FRMPD4: variants seen among roughly 807,000 people sequenced by gnomAD.
FRMPD4 encodes FERM and PDZ domain-containing protein 4.
In FRMPD4, 22 loss-of-function variants were observed where a neutral mutation model predicts 94.1. The observed-to-expected ratio is 0.23, with a 90% CI of 0.17 to 0.33. FRMPD4 has a LOEUF of 0.33. FRMPD4 is among the 10% of genes least tolerant of loss of function. FRMPD4 has a pLI of 1.00. For synonymous variants in FRMPD4, 631 were observed against 548.6 expected, an observed-to-expected ratio of 1.15 and a Z score of -2.10; for missense variants, 1,111 against 1,339.9, an observed-to-expected ratio of 0.83 and a Z score of 2.67.
rs776653867 is a variant in FRMPD4, at chrX:12,165,564, T to C, written c.41+26552T>C. Among the ~76,000 whole-genome samples the C allele has an allele frequency of 9.8e-5, 11 of 111,955 alleles. No individual in the cohort carries two copies. In the East Asian group the frequency reaches 3.1e-3, roughly 31 times the overall value. On this transcript the variant is annotated intron_variant, in intron 1 of 16. Coordinates refer to ENST00000675598, the MANE Select transcript of FRMPD4 (RefSeq NM_001368397.1). ...TTTTGGTTCCATACGAACTTTAAGG[T>C]GGCTTTTTCCAATTCTGTGAAGAAA...
intron 1 of FRMPD4, among the ~76,000 whole-genome samples, chrX:12,274,575 T>G (rs2054404017): frequency 1.8e-5 from 2 of 112,490 alleles, no homozygotes; most frequent in Admixed American, 1.9e-4. Context: ...AGGATTTGTT[T>G]CTCAAGAGAT....
intron 2 of FRMPD4, among the ~76,000 whole-genome samples, chrX:11,874,878 C>G (rs1481663035): frequency 9.0e-6 from 1 of 111,078 alleles, no homozygotes; most frequent in Non-Finnish European, 1.9e-5. Flanking sequence ...ACAACAATAA[C>G]AAATGTTTGG....
rs1385480388 is a variant in FRMPD4, at chrX:12,061,789, GT to G, written c.95+183773del. ...TTCACTTATTTTCATGCATTTTTCT[GT>G]TCCATTATATTGAAGAACATTTTTG... On this transcript the variant is annotated intron_variant, in intron 3 of 18. Coordinates refer to the FRMPD4 transcript ENST00000640291. Among the ~76,000 whole-genome samples the G allele has an allele frequency of 3.6e-5, 4 of 111,073 alleles. No individual in the cohort carries two copies. In the East Asian group the frequency reaches 1.1e-3, roughly 31 times the overall value.
At chrX:12,493,737 C>G (rs190988583) in intron 1 of FRMPD4, among the ~76,000 whole-genome samples, 3 of 111,737 alleles carry the variant, frequency 2.7e-5, no homozygotes, top group African/African-American at 9.8e-5. Context: ...ATAATGCAGG[C>G]GCCTGTTGCG....
intron 1 of FRMPD4, among the ~76,000 whole-genome samples, chrX:12,163,188 C>T (rs1476400303): frequency 9.0e-6 from 1 of 110,502 alleles, no homozygotes; most frequent in African/African-American, 3.3e-5. Flanking sequence ...CTCCCCAGTA[C>T]GTGGGTAGCC....
At chrX:11,954,155 T>A (rs2054241589) in intron 3 of FRMPD4, among the ~76,000 whole-genome samples, 1 of 112,615 alleles carries the variant, frequency 8.9e-6, no homozygotes, top group African/African-American at 3.2e-5. Context: ...AACCTATGTG[T>A]TTTGTAATTA....
chrX:12,414,773 G>C (rs1027154593), intron 1 of FRMPD4, among the ~76,000 whole-genome samples: 2 of 111,753 alleles, frequency 1.8e-5, no homozygotes, highest in Non-Finnish European at 3.8e-5. Flanking sequence ...ACCTTATGGT[G>C]GTGCTTTACA....
intron 1 of FRMPD4, among the ~76,000 whole-genome samples, chrX:11,825,896 A>T (rs2053441234): frequency 8.9e-6 from 1 of 112,386 alleles, no homozygotes; most frequent in Non-Finnish European, 1.9e-5. Context: ...GCTCAGGATC[A>T]TTTTGTTTTA....
At chrX:12,701,545 A>C (rs946227750) in intron 9 of FRMPD4, among the ~76,000 whole-genome samples, 1 of 112,128 alleles carries the variant, frequency 8.9e-6, no homozygotes, top group African/African-American at 3.2e-5. Context: ...CAGAAGCCAC[A>C]TTATGCTATC....
intron 2 of FRMPD4, among the ~76,000 whole-genome samples, chrX:12,594,600 T>C (rs1464301654): frequency 9.1e-6 from 1 of 110,106 alleles, no homozygotes; most frequent in Non-Finnish European, 1.9e-5. Flanking sequence ...CACGCCTGGC[T>C]AATTTTTTGT....
Position 12,317,951 on chromosome X carries a change from T to C in FRMPD4, c.41+178939T>C, listed in dbSNP as rs538736647. On this transcript the variant is annotated intron_variant, in intron 1 of 16. Transcript: ENST00000675598. ...ATGATCCAACAATCCCACTGCTGGG[T>C]ATTTATTTAAAAGAAAGGAAATCAG... is the stretch of plus-strand genomic sequence containing the variant. Among the ~76,000 whole-genome samples the C allele has an allele frequency of 4.5e-5, 5 of 112,316 alleles. No homozygotes were observed. In the South Asian group the frequency reaches 1.9e-3, roughly 42 times the overall value.
At chrX:12,699,851 A>G (rs886318550) in intron 9 of FRMPD4, among the ~76,000 whole-genome samples, 1 of 112,221 alleles carries the variant, frequency 8.9e-6, no homozygotes, top group Non-Finnish European at 1.9e-5. Context: ...AGCCATGTAG[A>G]AATAGGATTG....
chrX:12,424,316 A>G (rs1437037932), intron 1 of FRMPD4, among the ~76,000 whole-genome samples: 1 of 112,683 alleles, frequency 8.9e-6, no homozygotes, highest in Non-Finnish European at 1.9e-5. Context: ...TTCTAGTTCT[A>G]TTGATTTCAT....
intron 1 of FRMPD4, among the ~76,000 whole-genome samples, chrX:12,475,037 G>A (rs1367768251): frequency 8.9e-6 from 1 of 111,780 alleles, no homozygotes; most frequent in African/African-American, 3.3e-5. Context: ...CAATATCCCT[G>A]ATGAACATTG....
intron 1 of FRMPD4, among the ~76,000 whole-genome samples, chrX:12,478,365 G>C (rs1182196410): frequency 9.0e-6 from 1 of 111,668 alleles, no homozygotes; most frequent in Non-Finnish European, 1.9e-5. Context: ...CATGAGGCCA[G>C]GAGTCCAAGA....
At chrX:12,354,101 G>A (rs894407953) in intron 1 of FRMPD4, among the ~76,000 whole-genome samples, 1 of 111,980 alleles carries the variant, frequency 8.9e-6, no homozygotes, top group African/African-American at 3.2e-5. Flanking sequence ...TCTCAAACCT[G>A]CTTAAAACAT....
chrX:11,991,051 A>G (rs1479524566), intron 3 of FRMPD4, among the ~76,000 whole-genome samples: 1 of 111,961 alleles, frequency 8.9e-6, no homozygotes, highest in African/African-American at 3.2e-5. Context: ...TTGCCATGGG[A>G]CCTTCTCCAT....
At chrX:11,984,812 C>A (rs769236521) in intron 3 of FRMPD4, among the ~76,000 whole-genome samples, 10 of 111,928 alleles carry the variant, frequency 8.9e-5, no homozygotes, top group Non-Finnish European at 1.3e-4. Context: ...GTCTACTACC[C>A]AGAATATAAA....
At chrX:12,462,556 A>C (rs1393733938) in intron 1 of FRMPD4, among the ~76,000 whole-genome samples, 1 of 112,140 alleles carries the variant, frequency 8.9e-6, no homozygotes, top group Non-Finnish European at 1.9e-5. Context: ...AAAATGGTCA[A>C]ATATTTGCCC....
Sources: gnomAD v4.1 joint callset for allele counts (sites outside exome capture counted in the v4.1 genomes callset) on GRCh38, gnomAD v4.1.1 for gene constraint, MANE v1.5 for transcripts, NCBI Gene and HGNC (gene_info 2026-07-23, HGNC 2026-07-21) for gene names.